The following NELL1 variants were observed in gnomAD, a reference collection of about 807,000 sequenced individuals.
The protein encoded by NELL1 is protein kinase C-binding protein NELL1.
NELL1 carries 76 observed loss-of-function variants against 107.4 expected under a neutral mutation model. That is an observed-to-expected ratio of 0.71 (90% CI 0.59 to 0.86). The LOEUF (loss-of-function observed/expected upper bound fraction) is 0.86. Among genes scored for constraint, NELL1 ranks in the 40% least tolerant of loss-of-function variants. The probability of loss-of-function intolerance (pLI) is 0.00; values close to 1 mark genes in which losing one functional copy is unlikely to be tolerated. For missense variants in NELL1, 1,024 were observed against 1,005.5 expected (o/e 1.02, Z -0.25); for synonymous variants, 353 against 341.2 (o/e 1.03, Z -0.38).
At chr11:21,095,867 C>T (rs903544193) in intron 12 of NELL1, among the ~76,000 whole-genome samples, 1 of 152,182 alleles carries the variant, frequency 6.6e-6, no homozygotes, top group African/African-American at 2.4e-5. Context: ...GCCTCAGCCT[C>T]CCAAAATGCT....
rs925622711 is a variant in NELL1 at position 21,329,891 on chromosome 11, A to G, written c.1550-40962A>G. On this transcript the variant is annotated intron_variant, in intron 14 of 19. Transcript: ENST00000357134. The stretch of plus-strand genomic sequence containing the variant: ...TCTTCTTCTTTGTGCCACTGTTGTT[A>G]TACTGTACATGTTACATCTATATGT... Among the ~76,000 whole-genome samples the G allele has an allele frequency of 3.3e-5, 5 of 152,130 alleles. No homozygotes were observed. The East Asian group carries it at 9.6e-4, about 29-fold the overall frequency.
intron 14 of NELL1, among the ~76,000 whole-genome samples, chr11:21,277,958 T>C (rs530302877): frequency 2.0e-5 from 3 of 152,084 alleles, no homozygotes; most frequent in Admixed American, 6.5e-5. Context: ...AAATGACGAG[T>C]TGCTGGGTGC....
Position 20,921,885 on chromosome 11 carries a change from T to C in NELL1, c.759+2551T>C, listed in dbSNP as rs77860791. Among the ~76,000 whole-genome samples the C allele has an allele frequency of 1.7e-3, 262 of 151,854 alleles. 1 individual carries two copies. Among genetic ancestry groups the C allele is most frequent in the African/African-American group, 6.0e-3 (249 of 41,462 alleles). Reference sequence around the variant, plus strand: ...TTTTCCTTGGAAATAGTGAAAATTATTTGACATTATTTACTTAAGTATTTT... The same window carrying C: ...TTTTCCTTGGAAATAGTGAAAATTACTTGACATTATTTACTTAAGTATTTT... On this transcript the variant is annotated intron_variant, in intron 7 of 19. Coordinates refer to ENST00000357134, the MANE Select transcript of NELL1 (RefSeq NM_006157.5).
At chr11:20,946,388 A>G (rs1046237907) in intron 10 of NELL1, among the ~76,000 whole-genome samples, 11 of 152,358 alleles carry the variant, frequency 7.2e-5, no homozygotes, top group Middle Eastern at 3.4e-3. Context: ...GCATTTTTAA[A>G]AAAATAGTAA....
At chr11:21,306,960 G>A (rs1849618417) in intron 14 of NELL1, among the ~76,000 whole-genome samples, 1 of 151,956 alleles carries the variant, frequency 6.6e-6, no homozygotes, top group African/African-American at 2.4e-5. Flanking sequence ...GCCATTAATT[G>A]GAATTAGATT....
intron 14 of NELL1, among the ~76,000 whole-genome samples, chr11:21,326,059 T>G (rs1219429429): frequency 3.0e-4 from 24 of 80,744 alleles, no homozygotes; most frequent in South Asian, 1.5e-3. Flanking sequence ...GTTTTTTTTT[T>G]TTTTTTTTTT....
rs139622871 is a variant in NELL1 at position 21,040,397 on chromosome 11, T to C, written c.1301-73192T>C. Among the ~76,000 whole-genome samples, 362 of 152,290 alleles carry C rather than the reference T, an allele frequency of 2.4e-3. 5 individuals carry two copies. The highest frequency in any genetic ancestry group is 6.8e-3 in the African/African-American group (282 of 41,566). ...ATCTTTGTTTACATTTTGAGGAAAT[T>C]GCTGTATTAATTAAGTAGTTGTATG... On this transcript the variant is annotated intron_variant, in intron 12 of 19. Transcript: ENST00000357134.
At chr11:20,878,646 G>C (rs1417684600) in intron 4 of NELL1, among the ~76,000 whole-genome samples, 1 of 152,072 alleles carries the variant, frequency 6.6e-6, no homozygotes, top group Non-Finnish European at 1.5e-5. Context: ...TTGACTTCAT[G>C]GATCTCATGA....
intron 13 of NELL1, among the ~76,000 whole-genome samples, chr11:21,184,077 G>A (rs1172934553): frequency 1.3e-5 from 2 of 151,748 alleles, no homozygotes; most frequent in Non-Finnish European, 2.9e-5. Flanking sequence ...GTGTGACTGG[G>A]AACCCCAAGT....
chr11:21,128,241 GCTCTAA>G, intron 13 of NELL1, among the ~76,000 whole-genome samples: 1 of 152,282 alleles, frequency 6.6e-6, no homozygotes, highest in East Asian at 1.9e-4. Flanking sequence ...AGACAGTGGT[GCTCTAA>G]AGTGAGTCTT....
At chr11:20,939,918 AG>A (rs1850813192) in intron 10 of NELL1, among the ~76,000 whole-genome samples, 1 of 152,124 alleles carries the variant, frequency 6.6e-6, no homozygotes, top group East Asian at 1.9e-4. Context: ...TTAGTATTTT[AG>A]GATTATTTCT....
intron 14 of NELL1, among the ~76,000 whole-genome samples, chr11:21,278,700 C>G (rs867690627): frequency 5.3e-5 from 8 of 152,074 alleles, no homozygotes; most frequent in African/African-American, 1.7e-4. Context: ...GTTAGGATGT[C>G]AGTTCTACCA....
At chr11:20,735,374 G>A (rs1396621979) in intron 2 of NELL1, among the ~76,000 whole-genome samples, 1 of 152,146 alleles carries the variant, frequency 6.6e-6, no homozygotes, top group East Asian at 1.9e-4. Flanking sequence ...TTACAATCAT[G>A]ACAGAAGGAG....
intron 2 of NELL1, among the ~76,000 whole-genome samples, chr11:20,712,684 C>G: frequency 6.6e-6 from 1 of 152,310 alleles, no homozygotes; most frequent in East Asian, 1.9e-4. Flanking sequence ...TGATGTGGTG[C>G]TCTCCCACTT....
rs1848967726 is a variant in NELL1, at chr11:20,860,996, A to G, written c.506+13243A>G. Among the ~76,000 whole-genome samples, 3 of 152,190 alleles carry G rather than the reference A, an allele frequency of 2.0e-5. No homozygotes were observed. In the South Asian group the frequency reaches 6.2e-4, roughly 32 times the overall value. On this transcript the variant is annotated intron_variant, in intron 4 of 19. Coordinates refer to ENST00000357134, the MANE Select transcript of NELL1 (RefSeq NM_006157.5). ...ATCTGTTTCATAAAATTTGAAGCTCACAGTAAGGGCCTCATTCAAGCCCAT... is the reference window on the plus strand; with the variant it reads ...ATCTGTTTCATAAAATTTGAAGCTCGCAGTAAGGGCCTCATTCAAGCCCAT...
intron 4 of NELL1, among the ~76,000 whole-genome samples, chr11:20,874,124 A>G (rs956298757): frequency 6.6e-5 from 10 of 152,102 alleles, no homozygotes; most frequent in African/African-American, 1.9e-4. Context: ...CTGGAGTGCA[A>G]TGGCACGATC....
At chr11:20,947,505 A>C in intron 11 of NELL1, 70 bp downstream of exon 11, 1 of 1,086,706 alleles carries the variant, frequency 9.2e-7, no homozygotes, top group South Asian at 1.3e-5. Context: ...ATGAGATTTT[A>C]ATGAATAGTA....
At position 20,915,062 on chromosome 11, in the gene NELL1, A is replaced by G. The variant is rs369152221; in HGVS notation, c.604-3120A>G. On this transcript the variant is annotated intron_variant, in intron 5 of 19. Coordinates refer to ENST00000357134, the MANE Select transcript of NELL1 (RefSeq NM_006157.5). ...CTTTAGAATATTTATTGTGTTTACT[A>G]TGTGAAATCTACTACAATAGGAACT... Among the ~76,000 whole-genome samples, 849 of 152,168 alleles carry G rather than the reference A, an allele frequency of 5.6e-3. 9 individuals are homozygous for G. The highest frequency in any genetic ancestry group is 0.02 in the African/African-American group (830 of 41,550).
chr11:20,850,065 A>G (rs1848768753), intron 4 of NELL1, among the ~76,000 whole-genome samples: 1 of 152,182 alleles, frequency 6.6e-6, no homozygotes, highest in South Asian at 2.1e-4. Context: ...AAATAAATGA[A>G]GTCGTGGAAG....
Sources: allele counts gnomAD v4.1 joint callset (sites outside exome capture counted in the v4.1 genomes callset), GRCh38; gene constraint gnomAD v4.1.1; transcripts MANE v1.5; gene names NCBI Gene and HGNC (gene_info 2026-07-23, HGNC 2026-07-21).